Variants in FGGY observed in about 807,000 individuals in gnomAD.
FGGY encodes the protein FGGY carbohydrate kinase domain-containing protein.
A neutral mutation model predicts 71.3 loss-of-function variants in FGGY; 72 were observed. That is an observed-to-expected ratio of 1.01 (90% CI 0.84 to 1.23). The LOEUF is 1.23. FGGY is among the 50% of genes most tolerant of loss of function. The pLI is 0.00. For synonymous variants in FGGY, 251 were observed against 250.3 expected, an observed-to-expected ratio of 1.00 and a Z score of -0.02; for missense variants, 668 against 682.3, an observed-to-expected ratio of 0.98 and a Z score of 0.23.
intron 5 of FGGY, among the ~76,000 whole-genome samples, chr1:59,381,003 T>C (rs989866089): frequency 1.3e-5 from 2 of 152,192 alleles, no homozygotes; most frequent in Admixed American, 1.3e-4. Flanking sequence ...TTCAGCTTTC[T>C]CCATATGGCT....
At chr1:59,399,191 A>C (rs2061656411) in intron 5 of FGGY, among the ~76,000 whole-genome samples, 1 of 152,344 alleles carries the variant, frequency 6.6e-6, no homozygotes, top group Non-Finnish European at 1.5e-5. Context: ...ATGCTGGGAT[A>C]GTCCTCAAAT....
At chr1:59,693,311 T>C (rs2097611880) in intron 14 of FGGY, among the ~76,000 whole-genome samples, 1 of 152,200 alleles carries the variant, frequency 6.6e-6, no homozygotes, top group Non-Finnish European at 1.5e-5. Flanking sequence ...ATCAGTAAAA[T>C]TTCTTAGTGT....
At chr1:59,719,258 C>G (rs1247813816) in intron 14 of FGGY, among the ~76,000 whole-genome samples, 5 of 150,246 alleles carry the variant, frequency 3.3e-5, no homozygotes, top group Non-Finnish European at 1.5e-5. Context: ...GTCAACAGAA[C>G]TTTTTTTTTT....
At chr1:59,518,990 G>A (rs1407495638) in intron 7 of FGGY, among the ~76,000 whole-genome samples, 1 of 152,226 alleles carries the variant, frequency 6.6e-6, no homozygotes, top group Non-Finnish European at 1.5e-5. Context: ...GCAAACAGCT[G>A]AGGCTCAGTG....
chr1:59,364,658 T>A (rs2056254993), intron 4 of FGGY, among the ~76,000 whole-genome samples: 1 of 152,132 alleles, frequency 6.6e-6, no homozygotes, highest in Admixed American at 6.5e-5. Context: ...GACAGACAAA[T>A]GAACAGATGA....
chr1:59,297,319 T>G (rs2042093756), intron 1 of FGGY, among the ~76,000 whole-genome samples, 169 bp downstream of exon 1: 1 of 152,242 alleles, frequency 6.6e-6, no homozygotes, highest in South Asian at 2.1e-4. Context: ...TAGGACATTT[T>G]CCTGGCATTT....
Position 59,643,917 on chromosome 1 carries a change from C to CGCTT in FGGY, c.1221+5545_1221+5548dup, listed in dbSNP as rs558544861. ...AAGTCACAAAGCCAAGAAGTGGCAG[C>CGCTT]GCTTGCCTTTTAGGATGCAAACTCT... On this transcript the variant is annotated intron_variant, in intron 11 of 15. Transcript: ENST00000303721. 3.1e-3 allele frequency among the ~76,000 whole-genome samples: 476 copies of CGCTT among 152,246 alleles called. 4 individuals carry two copies. The highest frequency in any genetic ancestry group is 4.7e-3 in the Non-Finnish European group (322 of 68,010).
intron 2 of FGGY, among the ~76,000 whole-genome samples, chr1:59,337,336 A>G (rs1393754183): frequency 6.6e-6 from 1 of 152,106 alleles, no homozygotes. Flanking sequence ...AAGGTGCCTC[A>G]CTGCAAAAGG....
At chr1:59,461,362 G>T (rs7536739) in intron 6 of FGGY, among the ~76,000 whole-genome samples, 1 of 152,068 alleles carries the variant, frequency 6.6e-6, no homozygotes, top group Non-Finnish European at 1.5e-5. Flanking sequence ...AAGAAGAGAA[G>T]TTTAGAGAAA....
At chr1:59,405,476 A>C (rs2062592532) in intron 5 of FGGY, among the ~76,000 whole-genome samples, 1 of 152,212 alleles carries the variant, frequency 6.6e-6, no homozygotes, top group African/African-American at 2.4e-5. Flanking sequence ...CCTGACAAAA[A>C]GGTGTTTTAT....
At chr1:59,707,284 A>C (rs996451777) in intron 14 of FGGY, among the ~76,000 whole-genome samples, 1 of 152,230 alleles carries the variant, frequency 6.6e-6, no homozygotes, top group Non-Finnish European at 1.5e-5. Context: ...AGATAGCTAA[A>C]AAGTAGAAAA....
At chr1:59,296,642 GCGC>G (rs781326541), upstream of FGGY, 22,913 of 141,296 alleles carry the variant, frequency 0.16, 1,399 homozygotes, top group Admixed American at 0.2. Flanking sequence ...CAATCAGGCC[GCGC>G]TTTACAGGGG....
chr1:59,493,604 A>G (rs1397847600), intron 6 of FGGY, among the ~76,000 whole-genome samples: 1 of 152,180 alleles, frequency 6.6e-6, no homozygotes, highest in Admixed American at 6.5e-5. Flanking sequence ...TAGAGATAGA[A>G]AGTAGAATGA....
At chr1:59,464,691 C>T (rs1363387069) in intron 6 of FGGY, among the ~76,000 whole-genome samples, 2 of 152,132 alleles carry the variant, frequency 1.3e-5, no homozygotes, top group Non-Finnish European at 2.9e-5. Flanking sequence ...TAGGAGATAT[C>T]ACCACCAATC....
intron 14 of FGGY, among the ~76,000 whole-genome samples, chr1:59,705,175 A>G (rs937820591): frequency 5.3e-5 from 8 of 152,200 alleles, no homozygotes; most frequent in Non-Finnish European, 8.8e-5. Context: ...ATCTATCATT[A>G]CATACTGAAG....
chr1:59,531,645 G>T lies in FGGY; in HGVS notation c.799+19206G>T, dbSNP rs72917713. ...TTATAATACACTATGAGCATTTGCT[G>T]AGTTGAAACCTGCAACTCAGAGGCC... is the stretch of plus-strand genomic sequence containing the variant. On this transcript the variant is annotated intron_variant, in intron 7 of 15. Transcript: ENST00000303721. 7.0e-3 allele frequency among the ~76,000 whole-genome samples: 1,067 copies of T among 152,288 alleles called. 9 individuals carry two copies. The highest frequency in any genetic ancestry group is 0.024 in the African/African-American group (1,002 of 41,562).
At chr1:59,370,882 G>A (rs963330786) in intron 4 of FGGY, among the ~76,000 whole-genome samples, 8 of 151,908 alleles carry the variant, frequency 5.3e-5, no homozygotes, top group African/African-American at 1.7e-4. Context: ...CACCAGGTCG[G>A]ACCTAAAATA....
chr1:59,518,514 T>C (rs1285672548), intron 7 of FGGY, among the ~76,000 whole-genome samples: 1 of 152,234 alleles, frequency 6.6e-6, no homozygotes, highest in Non-Finnish European at 1.5e-5. Flanking sequence ...CTCATGCAAA[T>C]TGTAATCCCC....
chr1:59,565,378 G>A (rs753298829), intron 8 of FGGY, among the ~76,000 whole-genome samples: 3 of 152,008 alleles, frequency 2.0e-5, no homozygotes, highest in East Asian at 1.9e-4. Context: ...TCTGCCTCCC[G>A]GGTTCACGCC....
Sources: gnomAD v4.1 joint callset for allele counts (sites outside exome capture counted in the v4.1 genomes callset) on GRCh38, gnomAD v4.1.1 for gene constraint, MANE v1.5 for transcripts, NCBI Gene and HGNC (gene_info 2026-07-23, HGNC 2026-07-21) for gene names.